The following KCNH2 variants were observed in gnomAD, a reference collection of about 807,000 sequenced individuals.
KCNH2 encodes the protein potassium voltage-gated channel subfamily H member 2.
Under a neutral mutation model 95.9 loss-of-function variants are expected in KCNH2, and 35 were observed. The observed-to-expected ratio is 0.37, with a 90% CI of 0.28 to 0.48. The LOEUF is 0.48. KCNH2 is among the 20% of genes least tolerant of loss of function. The pLI, the probability that KCNH2 is intolerant of heterozygous loss-of-function variation, is 0.99. For synonymous variants in KCNH2, 786 were observed against 754.7 expected, an observed-to-expected ratio of 1.04 and a Z score of -0.68; for missense variants, 1,274 against 1,702.9, an observed-to-expected ratio of 0.75 and a Z score of 4.43.
At chr7:150,951,899 T>A in intron 6 of KCNH2, 64 bp from the exon 7 acceptor site, 3 of 1,434,580 alleles carry the variant, frequency 2.1e-6, no homozygotes, top group Non-Finnish European at 1.9e-6. Context: ...GGAGGGGAGG[T>A]GCTGCGGCCC....
At chr7:150,975,803 A>G (rs1375905416) in intron 1 of KCNH2, among the ~76,000 whole-genome samples, 2 of 152,228 alleles carry the variant, frequency 1.3e-5, no homozygotes, top group Non-Finnish European at 2.9e-5. Flanking sequence ...GGAAGCAAAG[A>G]GAGGGACCTG....
chr7:150,960,835 T>C (rs2117016857), intron 2 of KCNH2, among the ~76,000 whole-genome samples: 1 of 152,246 alleles, frequency 6.6e-6, no homozygotes, highest in South Asian at 2.1e-4. Flanking sequence ...CAGCTCCCTG[T>C]TGAGCACATG....
intron 5 of KCNH2, among the ~76,000 whole-genome samples, chr7:150,956,177 G>A (rs929896640): frequency 2.0e-5 from 3 of 152,194 alleles, no homozygotes; most frequent in Non-Finnish European, 4.4e-5. Flanking sequence ...GCGGGCACAG[G>A]AGCAGGGCAG....
chr7:150,957,536 C>T lies in KCNH2; in HGVS notation c.917-34G>A, dbSNP rs112427307. The T allele has an allele frequency of 6.4e-5, 69 of 1,086,070 alleles. No homozygotes were observed. The South Asian group carries it at 8.8e-4, about 14-fold the overall frequency. 67.3% of individuals were successfully genotyped at this position (1,086,070 alleles called of 1,614,324 possible). A position where few individuals can be genotyped will look rare whatever the true frequency, so the allele number is the denominator to read the frequency against. On this transcript the variant is annotated intron_variant, in intron 4 of 14. Transcript: ENST00000262186. Reference sequence around the variant, plus strand: ...AGAGGCAGCGTGGTCAGGCCAGCAGCCCAGGGCCCCAGGCCAGGCAGGCCA... The same window carrying T: ...AGAGGCAGCGTGGTCAGGCCAGCAGTCCAGGGCCCCAGGCCAGGCAGGCCA...
intron 5 of KCNH2, chr7:150,955,737 C>T (rs1801349072): frequency 7.7e-7 from 1 of 1,293,512 alleles, no homozygotes; most frequent in Non-Finnish European, 9.8e-7. Context: ...CCCATGGCCC[C>T]GTGGCGTGGG....
chr7:150,974,660 G>GC (rs1410751379), intron 2 of KCNH2, 51 bp downstream of exon 2: 8 of 314,838 alleles, frequency 2.5e-5, no homozygotes, highest in Non-Finnish European at 3.3e-5. Context: ...CCGTGGTCCC[G>GC]CCCCTCTTGA....
In KCNH2 at chr7:150,977,934, G is replaced by A. The variant is rs1472902396; in HGVS notation, c.-21C>T. 7.6e-6 allele frequency: 12 copies of A among 1,571,754 alleles called. No individual in the cohort carries two copies. The highest frequency in any genetic ancestry group is 3.4e-5 in the South Asian group (3 of 87,488). On this transcript the variant is annotated 5_prime_UTR_variant, in exon 1 of 15. Coordinates refer to ENST00000262186, the MANE Select transcript of KCNH2 (RefSeq NM_000238.4). Reference sequence around the variant, plus strand: ...GGCATCCTGAGCCCATGGGCGGGCCGGGCGGGCCCCCACCCACCCCGGCCC... The same window carrying A: ...GGCATCCTGAGCCCATGGGCGGGCCAGGCGGGCCCCCACCCACCCCGGCCC...
At chr7:150,967,243 C>T (rs566962189) in intron 2 of KCNH2, among the ~76,000 whole-genome samples, 2 of 152,190 alleles carry the variant, frequency 1.3e-5, no homozygotes, top group African/African-American at 4.8e-5. Flanking sequence ...CATGCCACTG[C>T]ACTCCAGCCT....
At chr7:150,970,082 G>A (rs1297646457) in intron 2 of KCNH2, among the ~76,000 whole-genome samples, 2 of 152,086 alleles carry the variant, frequency 1.3e-5, no homozygotes, top group Non-Finnish European at 1.5e-5. Flanking sequence ...TACTGGGAGG[G>A]GGCAATGAGA....
At chr7:150,975,938 C>T (rs1801970216) in intron 1 of KCNH2, among the ~76,000 whole-genome samples, 1 of 152,244 alleles carries the variant, frequency 6.6e-6, no homozygotes, top group South Asian at 2.1e-4. Flanking sequence ...AGTTTGGCCT[C>T]ATCCTGGATG....
At chr7:150,951,313 C>T in intron 7 of KCNH2, 135 bp downstream of exon 7, 1 of 1,231,660 alleles carries the variant, frequency 8.1e-7, no homozygotes, top group Non-Finnish European at 1.2e-6. Context: ...AGCCCCCAAA[C>T]CATGTCACGA....
In KCNH2 at chr7:150,952,485, G is replaced by A. The variant is rs926503173; in HGVS notation, c.1497C>T (p.Leu499=). The change falls in exon 6 of 15, where the codon CTC becomes CTT. Residue 499 remains leucine, a synonymous_variant. Transcript: ENST00000262186. This position sits in a 1 kb window ranked among gnomAD's most constrained non-coding sequence, Gnocchi z 7.3. ...AGGGGATGGCGGCCACCATGTCGATGAGGAACCAGCCCTTGAAGTAGTGGA... is the reference window on the plus strand; with the variant it reads ...AGGGGATGGCGGCCACCATGTCGATAAGGAACCAGCCCTTGAAGTAGTGGA... The part of the protein sequence containing the change: ...IAVHYFKGWF[L]IDMVAAIPFD... The A allele has an allele frequency of 6.2e-7, 1 of 1,614,168 alleles. No homozygotes were observed. The highest frequency in any genetic ancestry group is 1.3e-5 in the African/African-American group (1 of 75,070).
chr7:150,955,549 C>A (rs1419218718), intron 5 of KCNH2: 1 of 1,515,180 alleles, frequency 6.6e-7, no homozygotes, highest in African/African-American at 1.4e-5. Flanking sequence ...GGCCTGAGGG[C>A]CCGGCCACTG....
At position 150,955,505 on chromosome 7, in the gene KCNH2, G is replaced by C. The variant is rs1374283933; in HGVS notation, c.1128+1786C>G. On this transcript the variant is annotated intron_variant, in intron 5 of 14. Coordinates refer to ENST00000262186, the MANE Select transcript of KCNH2 (RefSeq NM_000238.4). ...CGCCTTCCCGGCTGGGGCCGCCATG[G>C]AGGACTTGGCTCCCTGCAGCCTGCC... is the stretch of plus-strand genomic sequence containing the variant. 3.2e-6 allele frequency: 5 copies of C among 1,545,040 alleles called. No individual in the cohort carries two copies. The highest frequency in any genetic ancestry group is 3.5e-6 in the Non-Finnish European group (4 of 1,143,944).
At chr7:150,958,543 C>A in intron 3 of KCNH2, 41 bp from the exon 4 acceptor site, 1 of 1,457,494 alleles carries the variant, frequency 6.9e-7, no homozygotes, top group Admixed American at 2.5e-5. Context: ...GGATCGCGAG[C>A]AGCCCCGGAG....
chr7:150,948,600 A>G, intron 10 of KCNH2, 57 bp from the exon 11 acceptor site: 2 of 1,472,646 alleles, frequency 1.4e-6, no homozygotes, highest in Non-Finnish European at 1.9e-6. Flanking sequence ...CACCGGGGTC[A>G]GGCCCCAAGC....
Position 150,951,734 on chromosome 7 carries a change from G to A in KCNH2, c.1659C>T (p.Leu553=). The A allele has an allele frequency of 6.2e-7, 1 of 1,612,578 alleles. No homozygotes were observed. Among genetic ancestry groups the A allele is most frequent in the South Asian group, 1.1e-5 (1 of 91,072 alleles). ...GCGCGATGAGCGCAAAGGTGCACAT[G>A]AGCAAGAACAGCACGGCCGCGCCGT... ...SEYGAAVLFL[L]MCTFALIAHW... The change falls in exon 7 of 15, where the codon CTC becomes CTT. Residue 553 remains leucine, a synonymous_variant. Coordinates refer to ENST00000262186, the MANE Select transcript of KCNH2 (RefSeq NM_000238.4).
At chr7:150,957,261 G>T in intron 5 of KCNH2, 30 bp downstream of exon 5, 1 of 1,523,518 alleles carries the variant, frequency 6.6e-7, no homozygotes, top group South Asian at 1.2e-5. Flanking sequence ...CCTCCAAGGT[G>T]AGAGGAGAGC....
chr7:150,951,881 G>C, intron 6 of KCNH2, 46 bp from the exon 7 acceptor site: 10 of 1,521,176 alleles, frequency 6.6e-6, no homozygotes, highest in Non-Finnish European at 8.8e-6. Flanking sequence ...GGCAAGGGGG[G>C]CAAGGGAGGA....
Sources: gnomAD v4.1 joint callset for allele counts (sites outside exome capture counted in the v4.1 genomes callset) on GRCh38, gnomAD v4.1.1 for gene constraint, Gnocchi (gnomAD v3.1) non-coding constraint, MANE v1.5 for transcripts, NCBI Gene and HGNC (gene_info 2026-07-23, HGNC 2026-07-21) for gene names.